NRXN3: variants seen among roughly 807,000 people sequenced by gnomAD.
NRXN3 encodes neurexin 3.
NRXN3 carries 32 observed loss-of-function variants against 137.6 expected under a neutral mutation model. The observed-to-expected ratio is 0.23, with a 90% CI of 0.18 to 0.31. The LOEUF (loss-of-function observed/expected upper bound fraction) is 0.31, where lower values mean the gene tolerates loss of function less well. NRXN3 is among the 10% of genes least tolerant of loss of function. The pLI is 1.00. For missense variants in NRXN3, 1,574 were observed against 2,062.5 expected (o/e 0.76, Z 4.59); for synonymous variants, 798 against 784.5 (o/e 1.02, Z -0.29).
At chr14:78,317,056 G>A (rs1257319895) in intron 4 of NRXN3, among the ~76,000 whole-genome samples, 15 of 152,204 alleles carry the variant, frequency 9.9e-5, no homozygotes, top group African/African-American at 2.7e-4. Context: ...ATGATCTGCC[G>A]TCTGCAAACT....
rs1390596202 is a variant in NRXN3, at chr14:78,447,191, T to C, written c.757+149331T>C. ...TAACCTGTCTGTTGCAGTGTTCCCATTGGTAAAATCGAGTTGCTGCATTCT... is the reference window on the plus strand; with the variant it reads ...TAACCTGTCTGTTGCAGTGTTCCCACTGGTAAAATCGAGTTGCTGCATTCT... On this transcript the variant is annotated intron_variant, in intron 4 of 20. Coordinates refer to ENST00000335750, the MANE Select transcript of NRXN3 (RefSeq NM_001330195.2). 2.0e-5 allele frequency among the ~76,000 whole-genome samples: 3 copies of C among 152,244 alleles called. No homozygotes were observed. In the East Asian group the frequency reaches 5.8e-4, roughly 29 times the overall value.
intron 15 of NRXN3, among the ~76,000 whole-genome samples, chr14:79,376,210 G>GTATATA (rs1422842626): frequency 1.2e-4 from 5 of 40,794 alleles, no homozygotes; most frequent in South Asian, 8.6e-4. Context: ...GTGTGTGTGT[G>GTATATA]TATGTATATA....
At chr14:78,762,476 A>G (rs1054975266) in intron 8 of NRXN3, among the ~76,000 whole-genome samples, 2 of 152,122 alleles carry the variant, frequency 1.3e-5, no homozygotes, top group African/African-American at 4.8e-5. Flanking sequence ...CCTCACTCAT[A>G]ATATGAAACT....
chr14:78,401,259 G>T (rs1395644526), intron 4 of NRXN3, among the ~76,000 whole-genome samples: 1 of 152,256 alleles, frequency 6.6e-6, no homozygotes, highest in South Asian at 2.1e-4. Context: ...CCGCCTCCTG[G>T]GTTCAAGTGA....
chr14:78,351,926 G>A (rs183224583), intron 4 of NRXN3, among the ~76,000 whole-genome samples: 4 of 151,386 alleles, frequency 2.6e-5, no homozygotes, highest in Admixed American at 2.0e-4. Context: ...AGTAGGCATT[G>A]CCATACAAAA....
In NRXN3 at chr14:79,203,452, A is replaced by T. The variant is rs7154594; in HGVS notation, c.3262+215311A>T. Among the ~76,000 whole-genome samples the T allele has an allele frequency of 9.3e-3, 1,422 of 152,306 alleles. 50 individuals are homozygous for T. In the East Asian group the frequency reaches 0.1, roughly 11 times the overall value. ...AGATAAATGAATTAGGGCTGTACAG[A>T]GTATAAATCCCTGCGGCACACCCCT... On this transcript the variant is annotated intron_variant, in intron 15 of 20. Coordinates refer to ENST00000335750, the MANE Select transcript of NRXN3 (RefSeq NM_001330195.2).
intron 19 of NRXN3, among the ~76,000 whole-genome samples, chr14:79,708,445 C>T (rs939503092): frequency 6.7e-6 from 1 of 149,778 alleles, no homozygotes; most frequent in Admixed American, 6.6e-5. Context: ...TCTCTTGAAT[C>T]ATCCAAAAAA....
In NRXN3 at chr14:79,549,271, G is replaced by A. The variant is rs1404767014; in HGVS notation, c.3444+81869G>A. Among the ~76,000 whole-genome samples the A allele has an allele frequency of 3.9e-5, 6 of 152,134 alleles. No individual in the cohort carries two copies. In the East Asian group the frequency reaches 1.2e-3, roughly 30 times the overall value. ...CTCTGGGAGATTCCAAAGAGAGACGGCTTTGATGTAATGGGAAGGGAGCTG... is the reference window on the plus strand; with the variant it reads ...CTCTGGGAGATTCCAAAGAGAGACGACTTTGATGTAATGGGAAGGGAGCTG... On this transcript the variant is annotated intron_variant, in intron 16 of 20. Coordinates refer to ENST00000335750, the MANE Select transcript of NRXN3 (RefSeq NM_001330195.2).
intron 1 of NRXN3, among the ~76,000 whole-genome samples, chr14:78,192,947 G>A (rs2060884173): frequency 6.6e-6 from 1 of 152,202 alleles, no homozygotes; most frequent in Admixed American, 6.5e-5. Context: ...GGAATATGGG[G>A]AGAAGAAATT....
chr14:78,302,077 G>T (rs148746546), intron 4 of NRXN3, among the ~76,000 whole-genome samples: 1 of 152,252 alleles, frequency 6.6e-6, no homozygotes, highest in African/African-American at 2.4e-5. Flanking sequence ...TGACCTCATA[G>T]GCACAGCCAC....
At chr14:79,059,775 T>A (rs902417778) in intron 15 of NRXN3, among the ~76,000 whole-genome samples, 2 of 152,198 alleles carry the variant, frequency 1.3e-5, no homozygotes, top group Admixed American at 1.3e-4. Context: ...TAGATGAATA[T>A]GAGGAAGAGG....
Position 79,770,105 on chromosome 14 carries a change from A to G in NRXN3, c.4015-35007A>G, listed in dbSNP as rs553723994. On this transcript the variant is annotated intron_variant, in intron 19 of 20. Coordinates refer to ENST00000335750, the MANE Select transcript of NRXN3 (RefSeq NM_001330195.2). Reference sequence around the variant, plus strand: ...TAAATATATATGCACCCAATACAGGAGCACCCAGATTCATAAAGCAAGTCC... The same window carrying G: ...TAAATATATATGCACCCAATACAGGGGCACCCAGATTCATAAAGCAAGTCC... Among the ~76,000 whole-genome samples the G allele has an allele frequency of 1.5e-3, 235 of 151,854 alleles. 5 individuals are homozygous for G. Among genetic ancestry groups the G allele is most frequent in the Admixed American group, 0.014 (219 of 15,266 alleles).
At chr14:78,415,107 C>T (rs550824476) in intron 4 of NRXN3, among the ~76,000 whole-genome samples, 1 of 152,156 alleles carries the variant, frequency 6.6e-6, no homozygotes, top group Admixed American at 6.5e-5. Context: ...TGAGAAACAG[C>T]TCTAAGATTT....
At chr14:78,772,377 A>G (rs1395691256) in intron 8 of NRXN3, among the ~76,000 whole-genome samples, 2 of 152,192 alleles carry the variant, frequency 1.3e-5, no homozygotes, top group Non-Finnish European at 2.9e-5. Context: ...GAGTCATAGT[A>G]AAATGTTGAT....
At chr14:79,827,559 C>T (rs1175307671) in intron 20 of NRXN3, among the ~76,000 whole-genome samples, 2 of 152,066 alleles carry the variant, frequency 1.3e-5, no homozygotes, top group African/African-American at 4.8e-5. Flanking sequence ...CAGAGTTCTG[C>T]AGGCTATATA....
intron 15 of NRXN3, among the ~76,000 whole-genome samples, chr14:79,106,225 A>G (rs2052410341): frequency 1.3e-5 from 2 of 152,090 alleles, no homozygotes; most frequent in African/African-American, 4.8e-5. Flanking sequence ...ATCAGCTCAT[A>G]ATCTTCCAAC....
At chr14:78,849,450 T>C (rs2099036629) in intron 10 of NRXN3, among the ~76,000 whole-genome samples, 1 of 152,062 alleles carries the variant, frequency 6.6e-6, no homozygotes, top group Non-Finnish European at 1.5e-5. Flanking sequence ...GATGGATATT[T>C]GGACCAGATG....
At chr14:79,762,753 G>C (rs997377639) in intron 19 of NRXN3, among the ~76,000 whole-genome samples, 3 of 151,696 alleles carry the variant, frequency 2.0e-5, no homozygotes, top group African/African-American at 7.3e-5. Flanking sequence ...CCAATAAGTT[G>C]TAGTGGCTAT....
intron 16 of NRXN3, among the ~76,000 whole-genome samples, chr14:79,485,283 T>C (rs1335104755): frequency 6.6e-6 from 1 of 152,138 alleles, no homozygotes; most frequent in Non-Finnish European, 1.5e-5. Flanking sequence ...CTTCAGATAC[T>C]TCCTCTAGGG....
Sources: gnomAD v4.1 joint callset for allele counts (sites outside exome capture counted in the v4.1 genomes callset) on GRCh38, gnomAD v4.1.1 for gene constraint, MANE v1.5 for transcripts, NCBI Gene and HGNC (gene_info 2026-07-23, HGNC 2026-07-21) for gene names.